The following CACNA2D1 variants were observed in gnomAD, a reference collection of about 807,000 sequenced individuals.
CACNA2D1 encodes calcium voltage-gated channel auxiliary subunit alpha2delta 1.
A neutral mutation model predicts 171.5 loss-of-function variants in CACNA2D1; 53 were observed. The ratio of observed to expected loss-of-function variants is 0.31; its 90% CI spans 0.25 to 0.39. The LOEUF (loss-of-function observed/expected upper bound fraction) is 0.39. Ranked by LOEUF, CACNA2D1 falls within the 10% of genes least tolerant of loss-of-function variation. CACNA2D1 has a pLI of 1.00. For synonymous variants in CACNA2D1, 442 were observed against 443.1 expected, an observed-to-expected ratio of 1.00 and a Z score of 0.03; for missense variants, 903 against 1,299.8, an observed-to-expected ratio of 0.69 and a Z score of 4.69.
chr7:82,333,554 T>C, intron 3 of CACNA2D1, among the ~76,000 whole-genome samples: 1 of 151,224 alleles, frequency 6.6e-6, no homozygotes, highest in East Asian at 1.9e-4. Flanking sequence ...TGAGACTTAC[T>C]ATTACGGGAA....
chr7:82,259,307 T>C (rs778845133), intron 3 of CACNA2D1, among the ~76,000 whole-genome samples: 17 of 152,178 alleles, frequency 1.1e-4, no homozygotes, highest in Non-Finnish European at 2.2e-4. Flanking sequence ...CCATTATGTA[T>C]GGTCTCAACC....
intron 10 of CACNA2D1, among the ~76,000 whole-genome samples, chr7:82,055,838 C>T (rs1255949090): frequency 6.8e-6 from 1 of 147,610 alleles, no homozygotes. Flanking sequence ...GGGTGCAGCA[C>T]ACCAACATGG....
intron 3 of CACNA2D1, among the ~76,000 whole-genome samples, chr7:82,320,426 G>C (rs571186741): frequency 6.6e-6 from 1 of 152,108 alleles, no homozygotes; most frequent in African/African-American, 2.4e-5. Context: ...CTGTGGTTTT[G>C]AGGGAGACAG....
intron 10 of CACNA2D1, among the ~76,000 whole-genome samples, chr7:82,058,260 C>A (rs1346249515): frequency 6.6e-6 from 1 of 152,152 alleles, no homozygotes; most frequent in Non-Finnish European, 1.5e-5. Context: ...GTGATCACCT[C>A]CCAAATACAC....
chr7:82,389,204 T>C (rs1824800156), intron 1 of CACNA2D1, among the ~76,000 whole-genome samples: 2 of 149,524 alleles, frequency 1.3e-5, no homozygotes. Flanking sequence ...TAAAGGTATA[T>C]GTATGTAAAG....
intron 12 of CACNA2D1, among the ~76,000 whole-genome samples, chr7:82,024,195 T>C (rs1191103238): frequency 6.6e-6 from 1 of 151,406 alleles, no homozygotes; most frequent in East Asian, 1.9e-4. Context: ...GATGCTATGG[T>C]AGTTATATTT....
At chr7:82,183,756 G>T (rs1054380976) in intron 3 of CACNA2D1, among the ~76,000 whole-genome samples, 43 of 152,090 alleles carry the variant, frequency 2.8e-4, no homozygotes, top group African/African-American at 9.2e-4. Context: ...TTTATGGAAG[G>T]TCTAATCAAA....
intron 21 of CACNA2D1, among the ~76,000 whole-genome samples, chr7:81,986,815 C>T (rs1345236585): frequency 6.6e-6 from 1 of 152,154 alleles, no homozygotes; most frequent in African/African-American, 2.4e-5. Context: ...AGTGCAATCA[C>T]TCTGACAGCA....
chr7:82,441,674 A>G (rs1830512573), intron 1 of CACNA2D1, among the ~76,000 whole-genome samples: 2 of 152,178 alleles, frequency 1.3e-5, no homozygotes, highest in Non-Finnish European at 2.9e-5. Flanking sequence ...GTTTTCCCCA[A>G]TGGTATGATG....
At chr7:82,310,868 A>C (rs1199508013) in intron 3 of CACNA2D1, among the ~76,000 whole-genome samples, 1 of 152,162 alleles carries the variant, frequency 6.6e-6, no homozygotes, top group Non-Finnish European at 1.5e-5. Context: ...TGACATGTTT[A>C]ATAGGCTTCA....
chr7:82,287,233 G>A (rs984058815), intron 3 of CACNA2D1, among the ~76,000 whole-genome samples: 3 of 150,634 alleles, frequency 2.0e-5, no homozygotes, highest in African/African-American at 7.4e-5. Context: ...GGTAAATCTA[G>A]CTTAGACTTT....
intron 3 of CACNA2D1, among the ~76,000 whole-genome samples, chr7:82,321,871 A>C (rs1815945199): frequency 6.6e-6 from 1 of 152,064 alleles, no homozygotes; most frequent in South Asian, 2.1e-4. Flanking sequence ...TCACGCCTGT[A>C]ATCCCAGCAC....
chr7:81,954,554 C>T (rs1353298167), intron 38 of CACNA2D1, among the ~76,000 whole-genome samples: 1 of 152,054 alleles, frequency 6.6e-6, no homozygotes. Flanking sequence ...CTTACTCTGC[C>T]TTTCTTTCCC....
At chr7:82,363,052 C>T (rs1294748008) in intron 1 of CACNA2D1, among the ~76,000 whole-genome samples, 1 of 152,006 alleles carries the variant, frequency 6.6e-6, no homozygotes, top group African/African-American at 2.4e-5. Flanking sequence ...TTTACATACA[C>T]TTCTACATTG....
intron 1 of CACNA2D1, among the ~76,000 whole-genome samples, chr7:82,357,938 C>G (rs1820647847): frequency 6.6e-6 from 1 of 151,680 alleles, no homozygotes; most frequent in Non-Finnish European, 1.5e-5. Flanking sequence ...GTCTGTACCA[C>G]TCGGAGCCCT....
intron 7 of CACNA2D1, among the ~76,000 whole-genome samples, chr7:82,079,067 T>C (rs555013796): frequency 6.6e-6 from 1 of 152,344 alleles, no homozygotes; most frequent in South Asian, 2.1e-4. Context: ...AACTACTGTT[T>C]TGAGTCAGCA....
chr7:82,385,144 A>G (rs1183436728), intron 1 of CACNA2D1, among the ~76,000 whole-genome samples: 1 of 152,188 alleles, frequency 6.6e-6, no homozygotes, highest in Non-Finnish European at 1.5e-5. Context: ...CTACTGGAGG[A>G]GCACGATTGT....
chr7:81,954,396 T>G (rs903522950), intron 38 of CACNA2D1, among the ~76,000 whole-genome samples: 1 of 152,024 alleles, frequency 6.6e-6, no homozygotes, highest in African/African-American at 2.4e-5. Flanking sequence ...TTATTAAAGA[T>G]ATCAACTAAG....
intron 3 of CACNA2D1, among the ~76,000 whole-genome samples, chr7:82,261,112 G>A (rs142121209): frequency 0.01 from 1,563 of 152,112 alleles, 20 homozygotes; most frequent in African/African-American, 0.035. Context: ...CCACCAGCAC[G>A]CCCGGCTAAA....
Sources: gnomAD v4.1 joint callset for allele counts (sites outside exome capture counted in the v4.1 genomes callset) on GRCh38, gnomAD v4.1.1 for gene constraint, MANE v1.5 for transcripts, NCBI Gene and HGNC (gene_info 2026-07-23, HGNC 2026-07-21) for gene names.